Variants in GLRA3 observed in about 807,000 individuals in gnomAD.
GLRA3 encodes glycine receptor alpha 3.
Under a neutral mutation model 60.4 loss-of-function variants are expected in GLRA3, and 44 were observed. That is an observed-to-expected ratio of 0.73 (90% CI 0.57 to 0.94). The LOEUF (loss-of-function observed/expected upper bound fraction) is 0.94, where lower values mean the gene tolerates loss of function less well. Among genes scored for constraint, GLRA3 ranks in the 40% least tolerant of loss-of-function variants. The pLI, the probability that GLRA3 is intolerant of heterozygous loss-of-function variation, is 0.00. For missense variants in GLRA3, 508 were observed against 564.6 expected (o/e 0.90, Z 1.02); for synonymous variants, 223 against 192.9 (o/e 1.16, Z -1.29).
intron 8 of GLRA3, 114 bp from the exon 9 acceptor site, chr4:174,656,901 T>G: frequency 1.7e-6 from 1 of 600,256 alleles, no homozygotes; most frequent in African/African-American, 1.8e-5. Flanking sequence ...TGAACAGACA[T>G]ATGTAGCAAT....
At chr4:174,666,367 C>T (rs1383852791) in intron 7 of GLRA3, among the ~76,000 whole-genome samples, 1 of 151,860 alleles carries the variant, frequency 6.6e-6, no homozygotes, top group African/African-American at 2.4e-5. Flanking sequence ...AAACTAGTTG[C>T]CCAGGTGAAG....
intron 9 of GLRA3, among the ~76,000 whole-genome samples, chr4:174,651,939 C>T (rs1427812449): frequency 6.6e-6 from 1 of 152,088 alleles, no homozygotes; most frequent in East Asian, 1.9e-4. Context: ...GAACAGACTC[C>T]TGTACAGGGT....
chr4:174,798,725 C>T (rs191048166), intron 1 of GLRA3, among the ~76,000 whole-genome samples: 3,074 of 152,236 alleles, frequency 0.02, 39 homozygotes, highest in Non-Finnish European at 0.033. Flanking sequence ...TAGACGGAGA[C>T]CATCCTGGCT....
intron 2 of GLRA3, among the ~76,000 whole-genome samples, chr4:174,783,239 G>A (rs111965800): frequency 0.73 from 102,680 of 141,140 alleles, 38,180 homozygotes; most frequent in East Asian, 1. Context: ...TATTTAATAA[G>A]TGGTGCTGGG....
intron 2 of GLRA3, among the ~76,000 whole-genome samples, chr4:174,781,076 T>C (rs1738847146): frequency 6.6e-6 from 1 of 152,050 alleles, no homozygotes; most frequent in Admixed American, 6.6e-5. Context: ...AAAGCTCTCC[T>C]CAGCAAATGT....
intron 5 of GLRA3, among the ~76,000 whole-genome samples, chr4:174,712,989 CAT>C (rs35051447): frequency 0.16 from 23,475 of 146,316 alleles, 2,205 homozygotes; most frequent in South Asian, 0.23. Context: ...TAGTATATTA[CAT>C]GTGAGTGTGT....
chr4:174,688,097 G>T (rs942621404), intron 5 of GLRA3, among the ~76,000 whole-genome samples: 3 of 151,552 alleles, frequency 2.0e-5, no homozygotes, highest in African/African-American at 7.3e-5. Flanking sequence ...ACCAAAATTG[G>T]CACATAATTA....
intron 9 of GLRA3, among the ~76,000 whole-genome samples, chr4:174,646,767 G>T (rs1263571114): frequency 6.6e-6 from 1 of 152,174 alleles, no homozygotes; most frequent in Non-Finnish European, 1.5e-5. Flanking sequence ...CTCCTAGGGG[G>T]CTGAGTGAAC....
intron 3 of GLRA3, among the ~76,000 whole-genome samples, chr4:174,760,958 A>G (rs1737921812): frequency 6.6e-6 from 1 of 152,204 alleles, no homozygotes; most frequent in Admixed American, 6.5e-5. Flanking sequence ...AATGAAGCCA[A>G]ACTAAGCTAC....
Position 174,735,088 on chromosome 4 carries a change from A to G in GLRA3, c.268-6390T>C, listed in dbSNP as rs1736717303. Among the ~76,000 whole-genome samples, 4 of 152,074 alleles carry G rather than the reference A, an allele frequency of 2.6e-5. No homozygotes were observed. In the South Asian group the frequency reaches 8.3e-4, roughly 32 times the overall value. On this transcript the variant is annotated intron_variant, in intron 3 of 9. Transcript: ENST00000274093. ...CTCCACAAGCCCCCATTCATCCACC[A>G]GCCCCTTCTGTCTTTGATGCTCACT...
chr4:174,659,268 T>C lies in GLRA3; in HGVS notation c.928-71A>G, dbSNP rs903253340. The C allele has an allele frequency of 2.1e-5, 24 of 1,132,622 alleles. No individual in the cohort carries two copies. The Admixed American group carries it at 5.0e-4, about 23-fold the overall frequency. 70.2% of individuals were successfully genotyped at this position (1,132,622 alleles called of 1,614,324 possible). ...TACTTCCTTTGAGAACAAAACTGAG[T>C]TTTTCTGATTCTGAATTATGTCATT... On this transcript the variant is annotated intron_variant, in intron 7 of 9. Coordinates refer to ENST00000274093, the MANE Select transcript of GLRA3 (RefSeq NM_006529.4).
At chr4:174,693,908 G>A (rs906198246) in intron 5 of GLRA3, among the ~76,000 whole-genome samples, 6 of 151,836 alleles carry the variant, frequency 4.0e-5, no homozygotes, top group Admixed American at 6.6e-5. Flanking sequence ...CCAAGCAAAC[G>A]GAAAACAGAA....
At chr4:174,731,914 G>C (rs1030510193) in intron 3 of GLRA3, among the ~76,000 whole-genome samples, 2 of 152,242 alleles carry the variant, frequency 1.3e-5, no homozygotes, top group Non-Finnish European at 2.9e-5. Flanking sequence ...AACCACATAA[G>C]TAAACAAAGA....
intron 5 of GLRA3, among the ~76,000 whole-genome samples, chr4:174,684,190 T>C (rs1734464783): frequency 7.6e-6 from 1 of 130,748 alleles, no homozygotes; most frequent in African/African-American, 2.6e-5. Flanking sequence ...TGCTGGCAGC[T>C]ATTGTATTTT....
chr4:174,772,430 T>TA (rs1244562027), intron 2 of GLRA3, among the ~76,000 whole-genome samples: 1 of 151,960 alleles, frequency 6.6e-6, no homozygotes, highest in Non-Finnish European at 1.5e-5. Flanking sequence ...TGTTAGAACA[T>TA]AAAAAAGTGT....
chr4:174,648,594 T>A (rs1012540013), intron 9 of GLRA3, among the ~76,000 whole-genome samples: 5 of 152,258 alleles, frequency 3.3e-5, no homozygotes, highest in Admixed American at 2.6e-4. Context: ...GGTGGCCATA[T>A]GACAATGAGA....
chr4:174,698,399 G>A (rs1735151733), intron 5 of GLRA3, among the ~76,000 whole-genome samples: 1 of 151,944 alleles, frequency 6.6e-6, no homozygotes, highest in South Asian at 2.1e-4. Context: ...ATGTTCCCCA[G>A]GGTGATCTCA....
At chr4:174,768,789 A>G (rs917305562) in intron 2 of GLRA3, among the ~76,000 whole-genome samples, 3 of 152,144 alleles carry the variant, frequency 2.0e-5, no homozygotes, top group African/African-American at 7.2e-5. Context: ...TCTAGAAATC[A>G]TTCTTTTCCC....
intron 4 of GLRA3, among the ~76,000 whole-genome samples, chr4:174,728,164 T>C (rs1736393444): frequency 6.6e-6 from 1 of 152,236 alleles, no homozygotes; most frequent in African/African-American, 2.4e-5. Flanking sequence ...AAAAGTATTA[T>C]CACAATGCAT....
Sources: allele counts gnomAD v4.1 joint callset (sites outside exome capture counted in the v4.1 genomes callset), GRCh38; gene constraint gnomAD v4.1.1; transcripts MANE v1.5; gene names NCBI Gene and HGNC (gene_info 2026-07-23, HGNC 2026-07-21).